Variants in DENND1C observed in about 807,000 individuals in gnomAD.
DENND1C encodes DENN domain containing 1C.
A neutral mutation model predicts 87.9 loss-of-function variants in DENND1C; 64 were observed. The observed-to-expected ratio is 0.73, with a 90% CI of 0.60 to 0.90. DENND1C has a LOEUF of 0.90. DENND1C is among the 40% of genes least tolerant of loss of function. The pLI, the probability that DENND1C is intolerant of heterozygous loss-of-function variation, is 0.00. For missense variants in DENND1C, 980 were observed against 1,037.0 expected, an observed-to-expected ratio of 0.95 and a Z score of 0.76; for synonymous variants, 384 against 424.4, an observed-to-expected ratio of 0.90 and a Z score of 1.17.
chr19:6,475,911 G>T lies in DENND1C; in HGVS notation c.705C>A (p.Cys235Ter). The change falls in exon 11 of 23, where the codon TGC becomes TGA. Residue 235 changes from cysteine to a stop codon, truncating the protein, a stop_gained. Transcript: ENST00000381480. LOFTEE classifies it high-confidence loss of function. ...STLTSCVHAS[C>*]ALLYPMRWEH... ...CCCAGCGCATGGGGTACAGGAGCGC[G>T]CAGGACGCGTGGACGCACGAGGTCA... The T allele has an allele frequency of 6.4e-7, 1 of 1,570,124 alleles. No individual in the cohort carries two copies. Among genetic ancestry groups the T allele is most frequent in the Non-Finnish European group, 8.6e-7 (1 of 1,166,326 alleles).
chr19:6,475,492 G>C lies in DENND1C; in HGVS notation c.919C>G (p.Pro307Ala), dbSNP rs1023641249. Residue 307 changes from proline (P) to alanine (A), a missense_variant, in exon 13 of 23, where the codon CCA (proline) becomes GCA (alanine). Physicochemically the swap from Pro to Ala is conservative, Grantham distance 27. Transcript: ENST00000381480. ...GGAGGGGCGACACTGACCACGTCTG[G>C]AGGCAGCGCCTGCACGTCGTTAAAG... ...TTFNDVQALP[P>A]DVVSLLRLRL... 9 of 1,613,916 alleles carry C rather than the reference G, an allele frequency of 5.6e-6. No individual in the cohort carries two copies. The highest frequency in any genetic ancestry group is 7.6e-6 in the Non-Finnish European group (9 of 1,179,868).
At chr19:6,470,765 G>GC (rs1387773150) in intron 17 of DENND1C, among the ~76,000 whole-genome samples, 2 of 149,354 alleles carry the variant, frequency 1.3e-5, no homozygotes, top group African/African-American at 4.9e-5. Flanking sequence ...GGGACTACAG[G>GC]CGCCTGCCAC....
Position 6,467,569 on chromosome 19 carries a change from A to G in DENND1C, c.2341T>C (p.Cys781Arg), listed in dbSNP as rs779909872. 6.2e-7 allele frequency: 1 copy of G among 1,607,280 alleles called. No individual in the cohort carries two copies. The highest frequency in any genetic ancestry group is 1.7e-5 in the Admixed American group (1 of 58,122). ...CGGCTGCTGGGCTGGGACTTTTGAC[A>G]GTTGCTGGTGGGTGTAGCAGGGGAA... ...LNSPATPTSN[C>R]QKSQPSSRPR... Residue 781 changes from cysteine to arginine, a missense_variant, in exon 23 of 23, where the codon TGT becomes CGT. By Grantham distance (180) the Cys-to-Arg change is radical. Coordinates refer to ENST00000381480, the MANE Select transcript of DENND1C (RefSeq NM_024898.4).
rs771515202 is a variant in DENND1C at position 6,471,422 on chromosome 19, G to A, written c.1233C>T (p.Gly411=). The A allele has an allele frequency of 2.5e-6, 4 of 1,587,556 alleles. No homozygotes were observed. The South Asian group carries it at 3.4e-5, about 14-fold the overall frequency. Residue 411 remains glycine (G), a synonymous_variant, in exon 16 of 23, where the codon GGC becomes GGT. Transcript: ENST00000381480. Reference sequence around the variant, plus strand: ...AGGGCTCACCTGAGGAGGCCCCGCAGCCAGTGATCTCCTGCTCGAATTGAT... The same window carrying A: ...AGGGCTCACCTGAGGAGGCCCCGCAACCAGTGATCTCCTGCTCGAATTGAT... The part of the protein sequence containing the change: ...FSDQFEQEIT[G]CGASSGALRS...
intron 14 of DENND1C, 43 bp from the exon 15 acceptor site, chr19:6,473,036 G>A (rs2092838083): frequency 7.3e-7 from 1 of 1,371,004 alleles, no homozygotes; most frequent in African/African-American, 1.5e-5. Flanking sequence ...GGGTGCTCCT[G>A]GCCCTCCCTC....
In DENND1C at chr19:6,479,899, G is replaced by A; in HGVS notation, c.86C>T (p.Pro29Leu). Residue 29 changes from proline to leucine, a missense_variant, in exon 3 of 23, where the codon CCC becomes CTC. Coordinates refer to ENST00000381480, the MANE Select transcript of DENND1C (RefSeq NM_024898.4). ...TGGAGGGAACTGCCGCAGGATGGGG[G>A]GATCTGTAGAAGAGAGCACGCCTCT... ...AACPASLQED[P>L]PILRQFPPDF... The A allele has an allele frequency of 1.2e-6, 2 of 1,603,964 alleles. No individual in the cohort carries two copies. Among genetic ancestry groups the A allele is most frequent in the Non-Finnish European group, 1.7e-6 (2 of 1,175,514 alleles).
At chr19:6,469,447 AT>A in intron 19 of DENND1C, 148 bp downstream of exon 19, 2 of 758,784 alleles carry the variant, frequency 2.6e-6, no homozygotes, top group Non-Finnish European at 4.4e-6. Flanking sequence ...TATTCAGATA[AT>A]TTTTAACTAT....
chr19:6,481,707 G>A lies in DENND1C; in HGVS notation c.-12C>T. The A allele has an allele frequency of 6.3e-7, 1 of 1,580,400 alleles. No individual in the cohort carries two copies. The highest frequency in any genetic ancestry group is 8.6e-7 in the Non-Finnish European group (1 of 1,165,334). On this transcript the variant is annotated 5_prime_UTR_variant, in exon 1 of 23. Transcript: ENST00000381480. ...GCTCTGGATTCCATGGTCCCTGCAG[G>A]GCCAGCCCAGCGGGGCCCTCTCCCC...
At position 6,479,973 on chromosome 19, in the gene DENND1C, G is replaced by A. The variant is rs776580945; in HGVS notation, c.82+14C>T. 18 of 1,338,532 alleles carry A rather than the reference G, an allele frequency of 1.3e-5. No homozygotes were observed. The highest frequency in any genetic ancestry group is 4.1e-4 in the Middle Eastern group (2 of 4,842). 82.9% of individuals were successfully genotyped at this position (1,338,532 alleles called of 1,614,324 possible). On this transcript the variant is annotated intron_variant, in intron 2 of 22. Transcript: ENST00000381480. ...CTCCCCTCCCACTCCCTCACTCCCA[G>A]GCTCCCAACTCACCCTCCTGCAGGG... is the stretch of plus-strand genomic sequence containing the variant.
In DENND1C at chr19:6,467,894, G is replaced by A. The variant is rs1243508467; in HGVS notation, c.2016C>T (p.Pro672=). 1 of 1,612,714 alleles carries A rather than the reference G, an allele frequency of 6.2e-7. No individual in the cohort carries two copies. The change falls in exon 23 of 23, where the codon CCC becomes CCT. Residue 672 remains proline, a synonymous_variant. Transcript: ENST00000381480. ...GAATTAGGGGCTCTGTGAGAGGAGA[G>A]GGTTTGGGGTCCCCCCAGATGCTTG... ...ADPSIWGDPK[P]SPLTEPLILH... is the part of the protein sequence containing the mutation.
Position 6,477,282 on chromosome 19 carries a change from C to A in DENND1C, c.449G>T (p.Gly150Val). ...CCCGCTGGAGACCGTCACTCCGCTG[C>A]CCTGGGGAAGAGGCACGACTCTGTG... ...GPQASVGLEL[G>V]SGVTVSSGQG... is the part of the protein sequence containing the mutation. Residue 150 changes from glycine to valine, a missense_variant and splice_region_variant, in exon 8 of 23, where the codon GGC (glycine) becomes GTC (valine). Gly to Val is a moderately radical substitution (Grantham distance 109). Transcript: ENST00000381480. 6.3e-7 allele frequency: 1 copy of A among 1,591,932 alleles called. No individual in the cohort carries two copies. The highest frequency in any genetic ancestry group is 1.1e-5 in the South Asian group (1 of 89,472).
chr19:6,475,778 C>T (rs1374567275), intron 11 of DENND1C, 27 bp from the exon 12 acceptor site: 5 of 1,535,478 alleles, frequency 3.3e-6, no homozygotes, highest in Non-Finnish European at 4.4e-6. Context: ...CGGGGTCATG[C>T]AGGCACCGCC....
chr19:6,475,200 T>C, intron 14 of DENND1C, 74 bp downstream of exon 14: 1 of 1,600,992 alleles, frequency 6.2e-7, no homozygotes. Context: ...TCCGGCCATC[T>C]ACTGTACCTA....
intron 18 of DENND1C, 48 bp downstream of exon 18, chr19:6,470,247 C>G: frequency 6.4e-7 from 1 of 1,566,936 alleles, no homozygotes; most frequent in South Asian, 1.2e-5. Flanking sequence ...CCTCTGTCCC[C>G]TCCCCCTCGT....
intron 14 of DENND1C, 92 bp from the exon 15 acceptor site, chr19:6,473,085 A>C: frequency 1.1e-6 from 1 of 940,720 alleles, no homozygotes; most frequent in Non-Finnish European, 1.5e-6. Context: ...TTGATTAGGC[A>C]CTTGCTGTGT....
chr19:6,467,845 C>T lies in DENND1C; in HGVS notation c.2065G>A (p.Ala689Thr), dbSNP rs1568391343. Residue 689 changes from alanine to threonine, a missense_variant, in exon 23 of 23, where the codon GCA becomes ACA. Coordinates refer to ENST00000381480, the MANE Select transcript of DENND1C (RefSeq NM_024898.4). ...TCCTGGGCTGTAGAATCTTCAGCTG[C>T]CTTGTGGGAAGGGGTGAGATGAAGA... Reference protein sequence around the residue: ...LILHLTPSHKAAEDSTAQENP... With the variant: ...LILHLTPSHKTAEDSTAQENP... The T allele has an allele frequency of 4.4e-6, 7 of 1,585,454 alleles. No homozygotes were observed. Among genetic ancestry groups the T allele is most frequent in the Non-Finnish European group, 6.0e-6 (7 of 1,165,668 alleles).
In DENND1C at chr19:6,470,493, A is replaced by G. The variant is rs1033652457; in HGVS notation, c.1291-127T>C. 39 of 880,338 alleles carry G rather than the reference A, an allele frequency of 4.4e-5. No homozygotes were observed. The Admixed American group carries it at 7.6e-4, about 17-fold the overall frequency. 54.5% of individuals were successfully genotyped at this position (880,338 alleles called of 1,614,324 possible). On this transcript the variant is annotated intron_variant, in intron 17 of 22. Transcript: ENST00000381480. Reference sequence around the variant, plus strand: ...TCCATTTTTTCACCTCTATAAATGAACATGATCGTAGTCATGACCCTACCT... The same window carrying G: ...TCCATTTTTTCACCTCTATAAATGAGCATGATCGTAGTCATGACCCTACCT...
In DENND1C at chr19:6,479,888, G is replaced by A. The variant is rs573875232; in HGVS notation, c.97C>T (p.Arg33Trp). 2.9e-4 allele frequency: 462 copies of A among 1,606,164 alleles called. 4 individuals carry two copies. The South Asian group carries it at 4.6e-3, about 16-fold the overall frequency. The change falls in exon 3 of 23, where the codon CGG (arginine) becomes TGG (tryptophan). Residue 33 changes from arginine to tryptophan, a missense_variant. Transcript: ENST00000381480. ...ASLQEDPPILRQFPPDFRDQE... is the reference protein window; with the variant it reads ...ASLQEDPPILWQFPPDFRDQE... ...TCCCTGAAGTCTGGAGGGAACTGCC[G>A]CAGGATGGGGGGATCTGTAGAAGAG...
chr19:6,477,542 T>C (rs1410730192), intron 6 of DENND1C, 84 bp from the exon 7 acceptor site: 46 of 1,299,476 alleles, frequency 3.5e-5, no homozygotes, highest in Non-Finnish European at 4.8e-5. Context: ...GGTTGAGTGG[T>C]CTGGGAGGAG....
Sources: gnomAD v4.1 joint callset for allele counts (sites outside exome capture counted in the v4.1 genomes callset) on GRCh38, gnomAD v4.1.1 for gene constraint, MANE v1.5 for transcripts, NCBI Gene and HGNC (gene_info 2026-07-23, HGNC 2026-07-21) for gene names.